Variants in SORL1 observed in about 807,000 individuals in gnomAD.
SORL1 encodes the protein sortilin-related receptor.
SORL1 carries 127 observed loss-of-function variants against 273.7 expected under a neutral mutation model. The ratio of observed to expected loss-of-function variants is 0.46; its 90% CI spans 0.40 to 0.54. The LOEUF (loss-of-function observed/expected upper bound fraction) is 0.54. SORL1 is among the 20% of genes least tolerant of loss of function. SORL1 has a pLI of 0.00. For synonymous variants in SORL1, 1,031 were observed against 1,067.4 expected (o/e 0.97, Z 0.66); for missense variants, 2,494 against 2,846.1 (o/e 0.88, Z 2.81).
chr11:121,558,572 C>G lies in SORL1; in HGVS notation c.2664-19C>G, dbSNP rs970323189. On this transcript the variant is annotated intron_variant, in intron 19 of 47. Coordinates refer to ENST00000260197, the MANE Select transcript of SORL1 (RefSeq NM_003105.6). ...CTCTAGTATTGATGAGGTATGTGTT[C>G]TGTCCCCATTTTCGCTAGGGTGATG... is the stretch of plus-strand genomic sequence containing the variant. 3 of 1,613,938 alleles carry G rather than the reference C, an allele frequency of 1.9e-6. No homozygotes were observed. Among genetic ancestry groups the G allele is most frequent in the Admixed American group, 1.7e-5 (1 of 60,030 alleles).
chr11:121,465,566 C>T (rs374222513), intron 1 of SORL1, among the ~76,000 whole-genome samples: 82 of 151,290 alleles, frequency 5.4e-4, no homozygotes, highest in African/African-American at 1.9e-3. Context: ...CTCGCTCTGT[C>T]GCCCAGGCTG....
At chr11:121,502,350 A>G (rs1048977223) in intron 6 of SORL1, among the ~76,000 whole-genome samples, 1 of 151,776 alleles carries the variant, frequency 6.6e-6, no homozygotes. Context: ...GTTAGCCAGG[A>G]TGGTCTCGAT....
chr11:121,555,233 C>T lies in SORL1; in HGVS notation c.2486C>T (p.Ser829Phe). 6.2e-7 allele frequency: 1 copy of T among 1,614,058 alleles called. No individual in the cohort carries two copies. The highest frequency in any genetic ancestry group is 1.1e-5 in the South Asian group (1 of 91,084). The change falls in exon 18 of 48, where the codon TCT (serine) becomes TTT (phenylalanine). Residue 829 changes from serine (S) to phenylalanine (F), a missense_variant. Transcript: ENST00000260197. Reference protein sequence around the residue: ...GSTGQEVIINSGLETVEALAF... With the variant: ...GSTGQEVIINFGLETVEALAF... ...ACAGGGCAAGAGGTGATCATCAATTCTGGCCTGGAGACAGTAGAAGCTTTG... is the reference window on the plus strand; with the variant it reads ...ACAGGGCAAGAGGTGATCATCAATTTTGGCCTGGAGACAGTAGAAGCTTTG...
At chr11:121,578,682 T>C (rs894752075) in intron 25 of SORL1, among the ~76,000 whole-genome samples, 1 of 152,236 alleles carries the variant, frequency 6.6e-6, no homozygotes, top group Non-Finnish European at 1.5e-5. Flanking sequence ...CCTTTTAGTT[T>C]GGAGGTGACC....
At chr11:121,523,720 C>G (rs935455940) in intron 11 of SORL1, among the ~76,000 whole-genome samples, 1 of 152,020 alleles carries the variant, frequency 6.6e-6, no homozygotes, top group African/African-American at 2.4e-5. Flanking sequence ...CTAGTTATGC[C>G]AGGAGCCACC....
chr11:121,519,424 T>C (rs79469715), intron 8 of SORL1, among the ~76,000 whole-genome samples: 7 of 152,024 alleles, frequency 4.6e-5, no homozygotes, highest in Admixed American at 2.6e-4. Flanking sequence ...TTTTTTTTTT[T>C]TGAGACGGAG....
rs972476132 is a variant in SORL1 at position 121,632,879 on chromosome 11, C to A, written c.*3316C>A. ...GGAATTCCTGAAAATTTTCTTCCTT[C>A]TGCAGACAGTTGGATGAGTCCCTTA... On this transcript the variant is annotated 3_prime_UTR_variant, in exon 48 of 48. Coordinates refer to ENST00000260197, the MANE Select transcript of SORL1 (RefSeq NM_003105.6). 9 of 152,134 alleles carry A rather than the reference C, an allele frequency of 5.9e-5. No homozygotes were observed. Among genetic ancestry groups the A allele is most frequent in the Non-Finnish European group, 8.8e-5 (6 of 68,024 alleles). The allele number at this position is 152,134 out of a possible 1,614,324, so 9.4% of individuals were successfully genotyped here.
chr11:121,573,603 A>G (rs1862881189), intron 23 of SORL1, among the ~76,000 whole-genome samples: 1 of 152,134 alleles, frequency 6.6e-6, no homozygotes, highest in Non-Finnish European at 1.5e-5. Context: ...ACAGAGCGAG[A>G]CTCCATCTCA....
chr11:121,554,189 A>G lies in SORL1; in HGVS notation c.2439+80A>G, dbSNP rs1862544611. On this transcript the variant is annotated intron_variant, in intron 17 of 47. Transcript: ENST00000260197. This position sits in a 1 kb window ranked among gnomAD's most constrained non-coding sequence, Gnocchi z 4.6. Reference sequence around the variant, plus strand: ...TGATAAGCTGCATGCAGAATGGCCTATGGAAATGGGCAGTTAGAAGTTTGT... The same window carrying G: ...TGATAAGCTGCATGCAGAATGGCCTGTGGAAATGGGCAGTTAGAAGTTTGT... 2.3e-6 allele frequency: 3 copies of G among 1,300,878 alleles called. No homozygotes were observed. The highest frequency in any genetic ancestry group is 1.5e-5 in the African/African-American group (1 of 67,934). 80.6% of individuals were successfully genotyped at this position (1,300,878 alleles called of 1,614,324 possible). A position where few individuals can be genotyped will look rare whatever the true frequency, so the allele number is the denominator to read the frequency against.
intron 19 of SORL1, among the ~76,000 whole-genome samples, chr11:121,558,294 A>C (rs1206959028): frequency 6.6e-6 from 1 of 152,228 alleles, no homozygotes; most frequent in Non-Finnish European, 1.5e-5. Context: ...TATTATATGT[A>C]CCATAATGTG....
rs1862268285 is a variant in SORL1 at position 121,536,441 on chromosome 11, T to C, written c.1685+3889T>C. Among the ~76,000 whole-genome samples, 5 of 150,590 alleles carry C rather than the reference T, an allele frequency of 3.3e-5. No individual in the cohort carries two copies. In the South Asian group the frequency reaches 1.1e-3, roughly 32 times the overall value. On this transcript the variant is annotated intron_variant, in intron 12 of 47. Coordinates refer to ENST00000260197, the MANE Select transcript of SORL1 (RefSeq NM_003105.6). Reference sequence around the variant, plus strand: ...CTTATCACTGTGTTTTTTTTTTTTTTTTTTTCTGGAGTTCAGTGGTGCGAT... The same window carrying C: ...CTTATCACTGTGTTTTTTTTTTTTTCTTTTTCTGGAGTTCAGTGGTGCGAT...
At chr11:121,516,018 T>C (rs1321577467) in intron 8 of SORL1, among the ~76,000 whole-genome samples, 2 of 152,226 alleles carry the variant, frequency 1.3e-5, no homozygotes, top group African/African-American at 4.8e-5. Flanking sequence ...AACCTTTCAA[T>C]TTTTTTCCGT....
chr11:121,606,781 G>A (rs565553954), intron 35 of SORL1, 64 bp from the exon 36 acceptor site: 3 of 946,860 alleles, frequency 3.2e-6, no homozygotes, highest in African/African-American at 3.3e-5. Flanking sequence ...TCTAAGCCCA[G>A]GAAAATTCCT....
At chr11:121,465,127 C>A (rs1252634690) in intron 1 of SORL1, among the ~76,000 whole-genome samples, 1 of 152,288 alleles carries the variant, frequency 6.6e-6, no homozygotes, top group East Asian at 1.9e-4. Flanking sequence ...TTCCATCGCT[C>A]TGAAATAAAA....
intron 43 of SORL1, 73 bp from the exon 44 acceptor site, chr11:121,620,991 C>T (rs1484863311): frequency 7.3e-6 from 8 of 1,093,094 alleles, no homozygotes; most frequent in East Asian, 2.4e-5. Context: ...ACTACATTGT[C>T]CACCATTGAA....
At chr11:121,483,121 G>T (rs1861419616) in intron 3 of SORL1, among the ~76,000 whole-genome samples, 1 of 152,182 alleles carries the variant, frequency 6.6e-6, no homozygotes, top group Non-Finnish European at 1.5e-5. Context: ...AGAGACAGGG[G>T]TCTTGCTCTG....
intron 3 of SORL1, among the ~76,000 whole-genome samples, chr11:121,480,911 A>T (rs1484607314): frequency 2.2e-5 from 3 of 135,214 alleles, no homozygotes; most frequent in Admixed American, 1.4e-4. Context: ...ACCTATAGGC[A>T]GGCTTCATCT....
intron 32 of SORL1, among the ~76,000 whole-genome samples, chr11:121,602,160 GTTTA>G (rs1199905709): frequency 6.6e-6 from 1 of 152,096 alleles, no homozygotes; most frequent in African/African-American, 2.4e-5. Flanking sequence ...TTGAATACAC[GTTTA>G]TTTGTCATGA....
chr11:121,620,142 C>T (rs779560253), intron 43 of SORL1, among the ~76,000 whole-genome samples: 1 of 152,220 alleles, frequency 6.6e-6, no homozygotes, highest in African/African-American at 2.4e-5. Context: ...TGGTTTGTCC[C>T]TCTTTCTCCT....
Sources: allele counts gnomAD v4.1 joint callset (sites outside exome capture counted in the v4.1 genomes callset), GRCh38; gene constraint gnomAD v4.1.1; non-coding constraint Gnocchi (gnomAD v3.1); transcripts MANE v1.5; gene names NCBI Gene and HGNC (gene_info 2026-07-23, HGNC 2026-07-21).